The following ZBTB20 variants were observed in gnomAD, a reference collection of about 807,000 sequenced individuals.
ZBTB20 encodes zinc finger and BTB domain containing 20, also known as zinc finger and BTB domain-containing protein 20.
ZBTB20 carries 9 observed loss-of-function variants against 56.9 expected under a neutral mutation model. That is an observed-to-expected ratio of 0.16 (90% confidence interval 0.10 to 0.28). The LOEUF (loss-of-function observed/expected upper bound fraction) is 0.28, where lower values mean the gene tolerates loss of function less well. Among genes scored for constraint, ZBTB20 ranks in the 10% least tolerant of loss-of-function variants. The pLI is 1.00. For synonymous variants in ZBTB20, 417 were observed against 420.7 expected, an observed-to-expected ratio of 0.99 and a Z score of 0.11; for missense variants, 655 against 1,003.0, an observed-to-expected ratio of 0.65 and a Z score of 4.69.
At chr3:114,843,936 C>T (rs2074518868) in intron 4 of ZBTB20, among the ~76,000 whole-genome samples, 1 of 151,992 alleles carries the variant, frequency 6.6e-6, no homozygotes, top group Admixed American at 6.6e-5. Flanking sequence ...ATCCACCCCC[C>T]TTGGCCTCCC....
intron 6 of ZBTB20, among the ~76,000 whole-genome samples, chr3:114,692,272 T>C (rs1193174478): frequency 6.6e-6 from 1 of 151,996 alleles, no homozygotes; most frequent in African/African-American, 2.4e-5. Flanking sequence ...GCATAGCAAG[T>C]AAAGCGTGGG....
At chr3:114,967,974 T>G (rs2077717624) in intron 3 of ZBTB20, among the ~76,000 whole-genome samples, 1 of 149,716 alleles carries the variant, frequency 6.7e-6, no homozygotes, top group Admixed American at 6.7e-5. Context: ...AAAAAAAGAG[T>G]TGATCTCATC....
chr3:114,717,259 G>C (rs1174783607), intron 5 of ZBTB20, among the ~76,000 whole-genome samples: 2 of 152,240 alleles, frequency 1.3e-5, no homozygotes, highest in Admixed American at 1.3e-4. Flanking sequence ...ACTAGAGAGA[G>C]GTTTATGAAA....
intron 7 of ZBTB20, among the ~76,000 whole-genome samples, chr3:114,464,984 C>G (rs1205551759): frequency 6.6e-6 from 1 of 151,390 alleles, no homozygotes; most frequent in East Asian, 1.9e-4. Flanking sequence ...CTTCGTTTTT[C>G]CTTCTCCCCC....
chr3:114,680,181 T>C (rs139456988), intron 6 of ZBTB20, among the ~76,000 whole-genome samples: 86 of 152,256 alleles, frequency 5.6e-4, no homozygotes, highest in Non-Finnish European at 7.8e-4. Flanking sequence ...AAATACCTAA[T>C]GTAGATGTTG....
chr3:114,427,276 A>C (rs1231862324), intron 7 of ZBTB20, among the ~76,000 whole-genome samples: 1 of 152,254 alleles, frequency 6.6e-6, no homozygotes, highest in African/African-American at 2.4e-5. Context: ...TTAAAACGTT[A>C]AATTTACACA....
intron 5 of ZBTB20, among the ~76,000 whole-genome samples, chr3:114,761,725 T>C (rs1386767415): frequency 1.3e-5 from 2 of 151,722 alleles, no homozygotes; most frequent in African/African-American, 4.8e-5. Context: ...TCCCATCTAC[T>C]TGGGGGGCTG....
At chr3:114,538,625 C>T (rs1447959436) in intron 6 of ZBTB20, among the ~76,000 whole-genome samples, 2 of 152,116 alleles carry the variant, frequency 1.3e-5, no homozygotes, top group Admixed American at 6.6e-5. Flanking sequence ...TAACCAACCA[C>T]GCAGTTTAAA....
chr3:115,045,693 G>A (rs2081309597), intron 2 of ZBTB20, among the ~76,000 whole-genome samples: 1 of 152,058 alleles, frequency 6.6e-6, no homozygotes, highest in Non-Finnish European at 1.5e-5. Flanking sequence ...GAGAGAAAGA[G>A]AATATAAATA....
intron 4 of ZBTB20, among the ~76,000 whole-genome samples, chr3:114,829,637 A>G (rs2082784200): frequency 6.6e-6 from 1 of 151,888 alleles, no homozygotes; most frequent in Non-Finnish European, 1.5e-5. Flanking sequence ...GGTTTTATGA[A>G]TCAGCTCACT....
intron 10 of ZBTB20, among the ~76,000 whole-genome samples, chr3:114,372,684 C>A (rs1378916420): frequency 1.3e-5 from 2 of 151,388 alleles, no homozygotes; most frequent in Non-Finnish European, 3.0e-5. Context: ...AAACAAAAAA[C>A]CCCCCAAAAA....
chr3:114,723,955 G>A (rs1254044544), intron 5 of ZBTB20, among the ~76,000 whole-genome samples: 2 of 151,522 alleles, frequency 1.3e-5, no homozygotes, highest in East Asian at 3.9e-4. Flanking sequence ...TACAAGCTCC[G>A]CCTCCCGGGT....
Position 114,351,267 on chromosome 3 carries a change from C to T in ZBTB20, c.811G>A (p.Glu271Lys). 1 of 1,602,282 alleles carries T rather than the reference C, an allele frequency of 6.2e-7. No homozygotes were observed. Among genetic ancestry groups the T allele is most frequent in the Non-Finnish European group, 8.5e-7 (1 of 1,178,930 alleles). The change falls in exon 11 of 12, where the codon GAG (glutamate) becomes AAG (lysine). Residue 271 changes from glutamate (E) to lysine (K), a missense_variant. Physicochemically the swap from Glu to Lys is moderately conservative, Grantham distance 56. Around this residue, in one of 10 missense-constraint regions of ZBTB20, gnomAD observed 167 missense variants for 281.9 expected, o/e 0.59. Coordinates refer to ENST00000675478, the MANE Select transcript of ZBTB20 (RefSeq NM_001348800.3). ...FYSGAVVSHHETALGLPRDHH... is the reference protein window; with the variant it reads ...FYSGAVVSHHKTALGLPRDHH... ...TCGCGGGGCAGGCCGAGCGCAGTCT[C>T]GTGGTGGCTGACCACTGCGCCGCTG...
At chr3:114,748,341 CT>C (rs753505299) in intron 5 of ZBTB20, among the ~76,000 whole-genome samples, 1 of 49,568 alleles carries the variant, frequency 2.0e-5, no homozygotes, top group African/African-American at 5.3e-5. Context: ...TTTCTTCTTT[CT>C]TTCTTTCTTT....
chr3:114,921,857 G>C (rs1412509308), intron 3 of ZBTB20, among the ~76,000 whole-genome samples: 1 of 151,992 alleles, frequency 6.6e-6, no homozygotes, highest in African/African-American at 2.4e-5. Flanking sequence ...AGAACTTAAA[G>C]TATAATAAAT....
chr3:114,675,089 A>T (rs990593338), intron 6 of ZBTB20, among the ~76,000 whole-genome samples: 2 of 148,358 alleles, frequency 1.3e-5, no homozygotes, highest in Non-Finnish European at 3.0e-5. Flanking sequence ...TATTATATAT[A>T]TACACAATAT....
rs2079284228 is a variant in ZBTB20 at position 114,332,126 on chromosome 3, A to G, written c.*6879T>C. 1.3e-5 allele frequency: 2 copies of G among 149,232 alleles called. No individual in the cohort carries two copies. Among genetic ancestry groups the G allele is most frequent in the Non-Finnish European group, 1.5e-5 (1 of 67,596 alleles). The allele number at this position is 149,232 out of a possible 1,614,324, so 9.2% of individuals were successfully genotyped here. On this transcript the variant is annotated 3_prime_UTR_variant, in exon 12 of 12. Transcript: ENST00000675478. Reference sequence around the variant, plus strand: ...AAATCTCATTGAGGCATTCTAAACCAAAGAAACCTCTGAATTTGAAACAGG... The same window carrying G: ...AAATCTCATTGAGGCATTCTAAACCGAAGAAACCTCTGAATTTGAAACAGG...
chr3:114,916,134 T>C (rs896615494), intron 3 of ZBTB20, among the ~76,000 whole-genome samples: 21 of 152,126 alleles, frequency 1.4e-4, no homozygotes, highest in African/African-American at 4.1e-4. Context: ...ATCTGTTCAT[T>C]GCTGAAAGTG....
At chr3:114,491,830 T>G (rs2042788455) in intron 7 of ZBTB20, among the ~76,000 whole-genome samples, 1 of 152,194 alleles carries the variant, frequency 6.6e-6, no homozygotes, top group African/African-American at 2.4e-5. Context: ...GTGGCCCACA[T>G]TTGCTGTTTC....
Sources: allele counts gnomAD v4.1 joint callset (sites outside exome capture counted in the v4.1 genomes callset), GRCh38; gene constraint gnomAD v4.1.1; regional missense constraint gnomAD v4.1.1; transcripts MANE v1.5; gene names NCBI Gene and HGNC (gene_info 2026-07-23, HGNC 2026-07-21).